ADAT2: variants seen among roughly 807,000 people sequenced by gnomAD.
ADAT2 encodes the protein adenosine deaminase tRNA specific 2.
Under a neutral mutation model 25.9 loss-of-function variants are expected in ADAT2, and 26 were observed. The ratio of observed to expected loss-of-function variants is 1.00; its 90% CI spans 0.74 to 1.39. ADAT2 has a LOEUF of 1.39. ADAT2 is among the 40% of genes most tolerant of loss of function. ADAT2 has a pLI of 0.00. For synonymous variants in ADAT2, 76 were observed against 86.8 expected (o/e 0.88, Z 0.69); for missense variants, 220 against 244.8 (o/e 0.90, Z 0.68).
At position 143,442,717 on chromosome 6, in the gene ADAT2, A is replaced by G. The variant is rs1265411322; in HGVS notation, c.97-4023T>C. Among the ~76,000 whole-genome samples the G allele has an allele frequency of 6.6e-6, 1 of 152,232 alleles. No individual in the cohort carries two copies. The highest frequency in any genetic ancestry group is 1.9e-4 in the East Asian group (1 of 5,196). On this transcript the variant is annotated intron_variant, in intron 1 of 5. Transcript: ENST00000237283. The surrounding 1 kb of genome is among the most constrained non-coding windows in gnomAD (Gnocchi z 4.6). Reference sequence around the variant, plus strand: ...GTTAAAAAATAAGTACAGGTAAACAAAAAGGATTTTGCAATGGGAATTAAA... The same window carrying G: ...GTTAAAAAATAAGTACAGGTAAACAGAAAGGATTTTGCAATGGGAATTAAA...
rs564085268 is a variant in ADAT2 at position 143,429,158 on chromosome 6, G to A, written c.460-474C>T. 1.4e-3 allele frequency among the ~76,000 whole-genome samples: 210 copies of A among 152,304 alleles called. No individual in the cohort carries two copies. The South Asian group carries it at 0.017, about 12-fold the overall frequency. On this transcript the variant is annotated intron_variant, in intron 4 of 5. Transcript: ENST00000237283. ...TTAAGCATTCCATGCTATAGAGCTA[G>A]GGTTGGCAAATTATACTTGGTGGAC...
chr6:143,438,540 T>C, intron 2 of ADAT2, 50 bp downstream of exon 2: 1 of 1,428,200 alleles, frequency 7.0e-7, no homozygotes, highest in African/African-American at 1.4e-5. Context: ...TTCTCTCCAG[T>C]CCACCCATCA....
chr6:143,428,534 A>C lies in ADAT2; in HGVS notation c.533-28T>G. 6.2e-7 allele frequency: 1 copy of C among 1,613,514 alleles called. No individual in the cohort carries two copies. Among genetic ancestry groups the C allele is most frequent in the Non-Finnish European group, 8.5e-7 (1 of 1,179,672 alleles). ...GTGAAAAGAATAGAAAAGAAAAAGA[A>C]AATGAAGAGGTAAGCTCATAGCAGA... is the stretch of plus-strand genomic sequence containing the variant. On this transcript the variant is annotated intron_variant, in intron 5 of 5. Coordinates refer to ENST00000237283, the MANE Select transcript of ADAT2 (RefSeq NM_182503.3). This position sits in a 1 kb window ranked among gnomAD's most constrained non-coding sequence, Gnocchi z 5.0.
intron 1 of ADAT2, among the ~76,000 whole-genome samples, chr6:143,443,522 C>A (rs575550008): frequency 5.3e-5 from 8 of 152,146 alleles, no homozygotes; most frequent in African/African-American, 1.9e-4. Flanking sequence ...CACAGCAAGA[C>A]CCCATCTCTA....
chr6:143,446,071 T>C lies in ADAT2; in HGVS notation c.96+4492A>G, dbSNP rs76746066. Among the ~76,000 whole-genome samples the C allele has an allele frequency of 6.8e-6, 1 of 147,774 alleles. No individual in the cohort carries two copies. The highest frequency in any genetic ancestry group is 2.1e-4 in the South Asian group (1 of 4,680). On this transcript the variant is annotated intron_variant, in intron 1 of 5. Coordinates refer to ENST00000237283, the MANE Select transcript of ADAT2 (RefSeq NM_182503.3). This position sits in a 1 kb window ranked among gnomAD's most constrained non-coding sequence, Gnocchi z 5.0. Reference sequence around the variant, plus strand: ...ACTTAGCGATTAAAAAAAAAAAACCTCATGTATCAAAAAAAAAAAACCCAC... The same window carrying C: ...ACTTAGCGATTAAAAAAAAAAAACCCCATGTATCAAAAAAAAAAAACCCAC...
At position 143,432,717 on chromosome 6, in the gene ADAT2, A is replaced by G. The variant is rs1169849723; in HGVS notation, c.353-106T>C. ...CATCCTGGAGAGGAACGCTCATGCT[A>G]CTCTTCAAACCAGTGAAGCTTAGGA... On this transcript the variant is annotated intron_variant, in intron 3 of 5. Coordinates refer to ENST00000237283, the MANE Select transcript of ADAT2 (RefSeq NM_182503.3). The surrounding 1 kb of genome is among the most constrained non-coding windows in gnomAD (Gnocchi z 4.4). 7.9e-6 allele frequency: 8 copies of G among 1,006,670 alleles called. No individual in the cohort carries two copies. Among genetic ancestry groups the G allele is most frequent in the Non-Finnish European group, 1.2e-5 (8 of 647,936 alleles). The allele number at this position is 1,006,670 out of a possible 1,614,324, so 62.4% of individuals were successfully genotyped here.
Position 143,424,556 on chromosome 6 carries a change from AG to A in ADAT2, c.*3906del, listed in dbSNP as rs1778876082. 1 of 152,200 alleles carries A rather than the reference AG, an allele frequency of 6.6e-6. No homozygotes were observed. Among genetic ancestry groups the A allele is most frequent in the African/African-American group, 2.4e-5 (1 of 41,442 alleles). 9.4% of individuals were successfully genotyped at this position (152,200 alleles called of 1,614,324 possible). A position where few individuals can be genotyped will look rare whatever the true frequency, so the allele number is the denominator to read the frequency against. On this transcript the variant is annotated 3_prime_UTR_variant, in exon 6 of 6. Transcript: ENST00000237283. This position sits in a 1 kb window ranked among gnomAD's most constrained non-coding sequence, Gnocchi z 4.8. ...AGTGTTTATCCCATTGGATCACCATAGGTCATCTGCAGTATCAGAAACATCT... is the reference window on the plus strand; with the variant it reads ...AGTGTTTATCCCATTGGATCACCATAGTCATCTGCAGTATCAGAAACATCT...
In ADAT2 at chr6:143,440,022, C is replaced by T. The variant is rs1230484973; in HGVS notation, c.97-1328G>A. Among the ~76,000 whole-genome samples the T allele has an allele frequency of 6.8e-4, 103 of 152,082 alleles. No individual in the cohort carries two copies. Among genetic ancestry groups the T allele is most frequent in the Admixed American group, 6.7e-3 (102 of 15,266 alleles). ...TAGGAAAATTAACTCTACCTTCAGG[C>T]GGAGAGCTTAAGCAGGCAGGTTATG... On this transcript the variant is annotated intron_variant, in intron 1 of 5. Transcript: ENST00000237283. The surrounding 1 kb of genome is among the most constrained non-coding windows in gnomAD (Gnocchi z 4.5).
At position 143,437,214 on chromosome 6, in the gene ADAT2, C is replaced by A. The variant is rs1288689482; in HGVS notation, c.201+1376G>T. Among the ~76,000 whole-genome samples the A allele has an allele frequency of 1.3e-5, 2 of 152,170 alleles. No homozygotes were observed. Among genetic ancestry groups the A allele is most frequent in the African/African-American group, 2.4e-5 (1 of 41,438 alleles). On this transcript the variant is annotated intron_variant, in intron 2 of 5. Coordinates refer to ENST00000237283, the MANE Select transcript of ADAT2 (RefSeq NM_182503.3). The surrounding 1 kb of genome is among the most constrained non-coding windows in gnomAD (Gnocchi z 4.1). ...TAGGGCGAAGTATATGCAAAATCTA[C>A]ATTTTGAGTAAATTTCCTATAATCA...
In ADAT2 at chr6:143,437,425, T is replaced by C. The variant is rs1465774282; in HGVS notation, c.201+1165A>G. On this transcript the variant is annotated intron_variant, in intron 2 of 5. Transcript: ENST00000237283. This position sits in a 1 kb window ranked among gnomAD's most constrained non-coding sequence, Gnocchi z 4.1. The stretch of plus-strand genomic sequence containing the variant: ...TTATTTCATTTTCCTCTGTTCCTTT[T>C]ATTTTCACTTCCCTTGTAATATTAG... Among the ~76,000 whole-genome samples, 3 of 152,212 alleles carry C rather than the reference T, an allele frequency of 2.0e-5. No individual in the cohort carries two copies. The highest frequency in any genetic ancestry group is 4.8e-5 in the African/African-American group (2 of 41,456).
intron 4 of ADAT2, among the ~76,000 whole-genome samples, chr6:143,431,516 T>C (rs930110994): frequency 2.0e-5 from 3 of 152,230 alleles, no homozygotes; most frequent in African/African-American, 7.2e-5. Context: ...ATCAAACCAA[T>C]TGTATCCTTT....
rs374625232 is a variant in ADAT2, at chr6:143,433,961, C to G, written c.222G>C (p.Met74Ile). The G allele has an allele frequency of 2.3e-5, 37 of 1,614,000 alleles. No individual in the cohort carries two copies. The highest frequency in any genetic ancestry group is 2.9e-5 in the Non-Finnish European group (34 of 1,180,026). ...AATCGAGGACCTGATCGATGGCCAC[C>G]ATTTCTGCATGTCGAGTAGCCTGAA... is the stretch of plus-strand genomic sequence containing the variant. ...QTKNATRHAE[M>I]VAIDQVLDWC... The change falls in exon 3 of 6, where the codon ATG becomes ATC. Residue 74 changes from methionine (M) to isoleucine (I), a missense_variant. Physicochemically the swap from Met to Ile is conservative, Grantham distance 10 (BLOSUM62 1). Coordinates refer to ENST00000237283, the MANE Select transcript of ADAT2 (RefSeq NM_182503.3).
rs568769478 is a variant in ADAT2, at chr6:143,436,707, G to A, written c.201+1883C>T. ...AGGAGTGGACTGAGGAAATGGGGGC[G>A]TAGAGCCTTCTGTTACTGGGTTAAG... is the stretch of plus-strand genomic sequence containing the variant. On this transcript the variant is annotated intron_variant, in intron 2 of 5. Transcript: ENST00000237283. This position sits in a 1 kb window ranked among gnomAD's most constrained non-coding sequence, Gnocchi z 4.1. The A allele has an allele frequency of 1.5e-4, 34 of 229,964 alleles. No homozygotes were observed. The highest frequency in any genetic ancestry group is 1.2e-3 in the South Asian group (18 of 14,950). 14.2% of individuals were successfully genotyped at this position (229,964 alleles called of 1,614,324 possible).
At chr6:143,448,798 A>G (rs1779669401) in intron 1 of ADAT2, among the ~76,000 whole-genome samples, 1 of 152,170 alleles carries the variant, frequency 6.6e-6, no homozygotes, top group African/African-American at 2.4e-5. Context: ...GCCCGGGCCC[A>G]GGAGTTCAAG....
intron 4 of ADAT2, among the ~76,000 whole-genome samples, chr6:143,429,027 G>T (rs1322511934): frequency 2.0e-5 from 3 of 152,182 alleles, no homozygotes; most frequent in Non-Finnish European, 4.4e-5. Context: ...TACTTCAGGG[G>T]ATTTTGTGAG....
At position 143,436,882 on chromosome 6, in the gene ADAT2, A is replaced by G. The variant is rs1779303689; in HGVS notation, c.201+1708T>C. Among the ~76,000 whole-genome samples the G allele has an allele frequency of 1.3e-5, 2 of 152,166 alleles. No homozygotes were observed. The highest frequency in any genetic ancestry group is 2.9e-5 in the Non-Finnish European group (2 of 68,032). On this transcript the variant is annotated intron_variant, in intron 2 of 5. Coordinates refer to ENST00000237283, the MANE Select transcript of ADAT2 (RefSeq NM_182503.3). This position sits in a 1 kb window ranked among gnomAD's most constrained non-coding sequence, Gnocchi z 4.1. ...AAATAAATAAATAAAAATTAAAAGT[A>G]TGACTTACATATATTCATGCTTCTC...
Position 143,434,105 on chromosome 6 carries a change from T to A in ADAT2, c.202-124A>T. Reference sequence around the variant, plus strand: ...TCTGCCAATATTTTAATGAATACAGTTTCAAGACACCCTTAGCAGTGGACA... The same window carrying A: ...TCTGCCAATATTTTAATGAATACAGATTCAAGACACCCTTAGCAGTGGACA... On this transcript the variant is annotated intron_variant, in intron 2 of 5. Transcript: ENST00000237283. This position sits in a 1 kb window ranked among gnomAD's most constrained non-coding sequence, Gnocchi z 4.5. 8.1e-7 allele frequency: 1 copy of A among 1,235,032 alleles called. No homozygotes were observed. The highest frequency in any genetic ancestry group is 1.1e-6 in the Non-Finnish European group (1 of 880,694). The allele number at this position is 1,235,032 out of a possible 1,614,324, so 76.5% of individuals were successfully genotyped here. A position where few individuals can be genotyped will look rare whatever the true frequency, so the allele number is the denominator to read the frequency against.
chr6:143,441,029 G>A (rs2128742602), intron 1 of ADAT2, among the ~76,000 whole-genome samples: 1 of 152,206 alleles, frequency 6.6e-6, no homozygotes, highest in Admixed American at 6.5e-5. Flanking sequence ...ATGGAGGGAT[G>A]GGTCATAAAT....
chr6:143,446,535 T>C lies in ADAT2; in HGVS notation c.96+4028A>G, dbSNP rs1298586721. Among the ~76,000 whole-genome samples the C allele has an allele frequency of 1.3e-5, 2 of 151,782 alleles. No homozygotes were observed. Among genetic ancestry groups the C allele is most frequent in the Non-Finnish European group, 2.9e-5 (2 of 67,910 alleles). On this transcript the variant is annotated intron_variant, in intron 1 of 5. Coordinates refer to ENST00000237283, the MANE Select transcript of ADAT2 (RefSeq NM_182503.3). This position sits in a 1 kb window ranked among gnomAD's most constrained non-coding sequence, Gnocchi z 5.0. ...TTTTTTAAATCAAACTATTACAAAA[T>C]TGGGGAAAGTATATGCCTCGGCAAT... is the stretch of plus-strand genomic sequence containing the variant.
Sources: allele counts gnomAD v4.1 joint callset (sites outside exome capture counted in the v4.1 genomes callset), GRCh38; gene constraint gnomAD v4.1.1; non-coding constraint Gnocchi (gnomAD v3.1); transcripts MANE v1.5; gene names NCBI Gene and HGNC (gene_info 2026-07-23, HGNC 2026-07-21).